Variants in PAPPA2 observed in about 807,000 individuals in gnomAD.
PAPPA2 encodes pappalysin 2.
In PAPPA2, 86 loss-of-function variants were observed where a neutral mutation model predicts 176.4. The ratio of observed to expected loss-of-function variants is 0.49; its 90% confidence interval spans 0.41 to 0.58. The LOEUF (loss-of-function observed/expected upper bound fraction) is 0.58, where lower values mean the gene tolerates loss of function less well. Among genes scored for constraint, PAPPA2 ranks in the 20% least tolerant of loss-of-function variants. The pLI, the probability that PAPPA2 is intolerant of heterozygous loss-of-function variation, is 0.00. For missense variants in PAPPA2, 2,073 were observed against 2,256.9 expected, an observed-to-expected ratio of 0.92 and a Z score of 1.65; for synonymous variants, 809 against 852.2, an observed-to-expected ratio of 0.95 and a Z score of 0.88.
intron 20 of PAPPA2, among the ~76,000 whole-genome samples, chr1:176,798,538 C>G (rs1665541039): frequency 6.6e-6 from 1 of 152,114 alleles, no homozygotes; most frequent in South Asian, 2.1e-4. Context: ...ATCTGGGACC[C>G]CAAAGTAGTA....
At chr1:176,689,472 T>A (rs1308341563) in intron 4 of PAPPA2, among the ~76,000 whole-genome samples, 4 of 152,240 alleles carry the variant, frequency 2.6e-5, no homozygotes, top group Non-Finnish European at 5.9e-5. Flanking sequence ...CTATCTTTTG[T>A]CTGACTAGTT....
intron 2 of PAPPA2, among the ~76,000 whole-genome samples, chr1:176,563,817 T>A (rs1558439770): frequency 6.6e-6 from 1 of 152,162 alleles, no homozygotes; most frequent in Non-Finnish European, 1.5e-5. Flanking sequence ...AACACATCAC[T>A]GCATTTTCAC....
chr1:176,470,373 T>C (rs1261846821), intron 1 of PAPPA2, among the ~76,000 whole-genome samples: 1 of 152,206 alleles, frequency 6.6e-6, no homozygotes, highest in South Asian at 2.1e-4. Flanking sequence ...TTCACCTCAA[T>C]GGACAGTTGT....
chr1:176,501,230 C>T (rs971549692), intron 1 of PAPPA2, among the ~76,000 whole-genome samples: 2 of 151,954 alleles, frequency 1.3e-5, no homozygotes, highest in Admixed American at 6.6e-5. Context: ...CTTTTTCTAA[C>T]AGCTTTGTTA....
At position 176,692,233 on chromosome 1, in the gene PAPPA2, C is replaced by T. The variant is rs369706751; in HGVS notation, c.2539C>T (p.Pro847Ser). The change falls in exon 6 of 23, where the codon CCC becomes TCC. Residue 847 changes from proline to serine, a missense_variant. By Grantham distance (74) the Pro-to-Ser change is moderately conservative. Coordinates refer to ENST00000367662, the MANE Select transcript of PAPPA2 (RefSeq NM_020318.3). The part of the protein sequence containing the change: ...WTESRKPTPI[P>S]IPPMVIGQTN... ...TGAAAGCAGAAAGCCCACCCCCATC[C>T]CCATTCCACCTATGGTCATCGGACA... The T allele has an allele frequency of 9.9e-6, 16 of 1,613,906 alleles. No individual in the cohort carries two copies. The highest frequency in any genetic ancestry group is 3.3e-4 in the Middle Eastern group (2 of 6,082).
intron 3 of PAPPA2, among the ~76,000 whole-genome samples, chr1:176,621,589 G>T (rs1457719224): frequency 6.6e-6 from 1 of 152,136 alleles, no homozygotes; most frequent in Non-Finnish European, 1.5e-5. Context: ...GAACGCAATG[G>T]TGGTTGTTTT....
chr1:176,778,225 ACTCT>A (rs1370801166), intron 17 of PAPPA2, among the ~76,000 whole-genome samples: 1 of 152,010 alleles, frequency 6.6e-6, no homozygotes, highest in African/African-American at 2.4e-5. Flanking sequence ...CAATTAGTAC[ACTCT>A]CTGTCTGCTT....
intron 1 of PAPPA2, among the ~76,000 whole-genome samples, chr1:176,538,441 T>A (rs184981846): frequency 6.6e-6 from 1 of 152,290 alleles, no homozygotes; most frequent in East Asian, 1.9e-4. Flanking sequence ...TAGATGACAA[T>A]GCCAGGCTCT....
intron 1 of PAPPA2, among the ~76,000 whole-genome samples, chr1:176,530,073 A>G (rs1265104142): frequency 1.3e-5 from 2 of 152,180 alleles, no homozygotes; most frequent in Admixed American, 1.3e-4. Flanking sequence ...AGGGGCCACA[A>G]GAGAAGATAA....
Position 176,702,665 on chromosome 1 carries a change from C to G in PAPPA2, c.3295C>G (p.Leu1099Val), listed in dbSNP as rs374197861. 2 of 1,613,724 alleles carry G rather than the reference C, an allele frequency of 1.2e-6. No individual in the cohort carries two copies. Among genetic ancestry groups the G allele is most frequent in the South Asian group, 2.2e-5 (2 of 91,070 alleles). ...AGTTCTAGCTGAAGCTGGAGGAGAACTGGGAGAAGCTTCGCCTCCTCTGAA... is the reference window on the plus strand; with the variant it reads ...AGTTCTAGCTGAAGCTGGAGGAGAAGTGGGAGAAGCTTCGCCTCCTCTGAA... ...YQVLAEAGGE[L>V]GEASPPLNHI... Residue 1099 changes from leucine to valine, a missense_variant, in exon 9 of 23, where the codon CTG (leucine) becomes GTG (valine). Physicochemically the swap from Leu to Val is conservative, Grantham distance 32. Coordinates refer to ENST00000367662, the MANE Select transcript of PAPPA2 (RefSeq NM_020318.3).
chr1:176,804,661 A>T (rs1665820730), intron 21 of PAPPA2, among the ~76,000 whole-genome samples: 1 of 152,162 alleles, frequency 6.6e-6, no homozygotes, highest in Non-Finnish European at 1.5e-5. Context: ...CCTTAGGGAA[A>T]GTATTAGTTT....
chr1:176,733,844 A>C (rs1315147830), intron 12 of PAPPA2, among the ~76,000 whole-genome samples: 3 of 152,082 alleles, frequency 2.0e-5, no homozygotes, highest in African/African-American at 4.8e-5. Flanking sequence ...CATTGAACAG[A>C]CAAAGGAGAA....
chr1:176,759,672 A>G (rs1663600291), intron 14 of PAPPA2, among the ~76,000 whole-genome samples: 2 of 152,140 alleles, frequency 1.3e-5, no homozygotes. Context: ...ATGGACCTGT[A>G]TTGGAAGCTA....
chr1:176,586,921 C>T lies in PAPPA2; in HGVS notation c.920-7603C>T, dbSNP rs550388429. Among the ~76,000 whole-genome samples the T allele has an allele frequency of 2.6e-5, 4 of 152,242 alleles. No individual in the cohort carries two copies. The East Asian group carries it at 5.8e-4, about 22-fold the overall frequency. On this transcript the variant is annotated intron_variant, in intron 2 of 22. Coordinates refer to ENST00000367662, the MANE Select transcript of PAPPA2 (RefSeq NM_020318.3). ...TACATTCCCACCAACAGTGTAAAAG[C>T]TTTCCTATTTCTCCACATCCTCGCC...
intron 1 of PAPPA2, among the ~76,000 whole-genome samples, chr1:176,476,349 T>C (rs1379869876): frequency 6.6e-6 from 1 of 152,202 alleles, no homozygotes; most frequent in East Asian, 1.9e-4. Flanking sequence ...TCCCAGTGTT[T>C]ATGGTTCACT....
At chr1:176,561,593 A>G (rs368239371) in intron 2 of PAPPA2, among the ~76,000 whole-genome samples, 6 of 152,254 alleles carry the variant, frequency 3.9e-5, no homozygotes, top group African/African-American at 9.6e-5. Context: ...GGGCTCATTT[A>G]TTTTATTTAA....
At chr1:176,793,712 C>A (rs1665291609) in intron 20 of PAPPA2, 43 bp downstream of exon 20, 1 of 1,424,756 alleles carries the variant, frequency 7.0e-7, no homozygotes, top group Non-Finnish European at 9.7e-7. Context: ...CATGAGTCTG[C>A]TGAGCAACAC....
chr1:176,691,270 T>A, intron 5 of PAPPA2: 3 of 734,090 alleles, frequency 4.1e-6, no homozygotes, highest in African/African-American at 1.9e-5. Context: ...CAGGTTCTTC[T>A]AGAACTATCC....
intron 17 of PAPPA2, among the ~76,000 whole-genome samples, chr1:176,784,844 C>T (rs1014036956): frequency 6.6e-6 from 1 of 152,110 alleles, no homozygotes; most frequent in Non-Finnish European, 1.5e-5. Context: ...CCTTGGCCTC[C>T]CAAAGTGCTG....
Sources: allele counts gnomAD v4.1 joint callset (sites outside exome capture counted in the v4.1 genomes callset), GRCh38; gene constraint gnomAD v4.1.1; transcripts MANE v1.5; gene names NCBI Gene and HGNC (gene_info 2026-07-23, HGNC 2026-07-21).